Variants in FHDC1 observed in about 807,000 individuals in gnomAD.
FHDC1 encodes the protein FH2 domain containing 1, also known as FH2 domain-containing protein 1.
FHDC1 carries 25 observed loss-of-function variants against 52.6 expected under a neutral mutation model. The ratio of observed to expected loss-of-function variants is 0.48; its 90% CI spans 0.35 to 0.66. The LOEUF is 0.66. FHDC1 is among the 30% of genes least tolerant of loss of function. The probability of loss-of-function intolerance (pLI) is 0.01; values close to 1 mark genes in which losing one functional copy is unlikely to be tolerated. For synonymous variants in FHDC1, 616 were observed against 581.5 expected, an observed-to-expected ratio of 1.06 and a Z score of -0.85; for missense variants, 1,459 against 1,452.8, an observed-to-expected ratio of 1.00 and a Z score of -0.07.
At chr4:152,946,085 C>G (rs1356074177) in intron 2 of FHDC1, among the ~76,000 whole-genome samples, 1 of 152,194 alleles carries the variant, frequency 6.6e-6, no homozygotes, top group Non-Finnish European at 1.5e-5. Context: ...GAATACTATT[C>G]CATTGTATAT....
intron 2 of FHDC1, among the ~76,000 whole-genome samples, chr4:152,945,523 C>G (rs929604920): frequency 6.6e-6 from 1 of 152,148 alleles, no homozygotes; most frequent in Non-Finnish European, 1.5e-5. Flanking sequence ...GTGGTGCACT[C>G]TTGGCTCACT....
chr4:152,966,032 G>A (rs1310913158), intron 9 of FHDC1, among the ~76,000 whole-genome samples: 1 of 152,210 alleles, frequency 6.6e-6, no homozygotes, highest in Non-Finnish European at 1.5e-5. Context: ...CAGATCTCTA[G>A]ATTGTTCTCT....
upstream of FHDC1, among the ~76,000 whole-genome samples, chr4:152,934,413 C>T (rs1739310295): frequency 6.6e-6 from 1 of 152,144 alleles, no homozygotes; most frequent in Non-Finnish European, 1.5e-5. Flanking sequence ...AATATGGATT[C>T]AAGAGTCCCT....
chr4:152,969,300 A>G (rs1740562930), intron 10 of FHDC1, among the ~76,000 whole-genome samples: 1 of 152,152 alleles, frequency 6.6e-6, no homozygotes, highest in African/African-American at 2.4e-5. Flanking sequence ...CCTTCGGCGG[A>G]TGCTTGATTT....
At chr4:152,952,615 G>A (rs1739961208) in intron 2 of FHDC1, among the ~76,000 whole-genome samples, 1 of 152,120 alleles carries the variant, frequency 6.6e-6, no homozygotes, top group Non-Finnish European at 1.5e-5. Flanking sequence ...GGTATTACAA[G>A]TAATCTAGAG....
At chr4:152,934,266 A>T (rs1402597204), upstream of FHDC1, among the ~76,000 whole-genome samples, 1 of 152,194 alleles carries the variant, frequency 6.6e-6, no homozygotes, top group Non-Finnish European at 1.5e-5. Flanking sequence ...AGCAAAGGAA[A>T]AGCTAGGATT....
intron 2 of FHDC1, 111 bp downstream of exon 2, chr4:152,943,666 C>CA (rs374253983): frequency 7.8e-7 from 1 of 1,278,872 alleles, no homozygotes; most frequent in African/African-American, 1.5e-5. Flanking sequence ...TGAGATAATA[C>CA]AAGCGAATCT....
chr4:152,954,665 C>T (rs1387520580), intron 4 of FHDC1, among the ~76,000 whole-genome samples: 3 of 150,180 alleles, frequency 2.0e-5, no homozygotes, highest in South Asian at 4.3e-4. Context: ...TCAGCCTGGG[C>T]AACAGAGTGA....
the FHDC1 span, chr4:152,927,600 G>C: frequency 6.2e-7 from 1 of 1,606,500 alleles, no homozygotes; most frequent in African/African-American, 1.3e-5. Context: ...TATGACCCTC[G>C]ATCTCTATAT....
At chr4:152,924,196 C>G in the FHDC1 span, among the ~76,000 whole-genome samples, 1 of 152,140 alleles carries the variant, frequency 6.6e-6, no homozygotes, top group East Asian at 1.9e-4. Flanking sequence ...AAAAGTGGGC[C>G]AAGGACATGA....
At chr4:152,972,319 C>T (rs1050449910) in intron 10 of FHDC1, 58 bp from the exon 11 acceptor site, 7 of 1,516,434 alleles carry the variant, frequency 4.6e-6, no homozygotes, top group Non-Finnish European at 6.2e-6. Flanking sequence ...ATGCAGTGCC[C>T]AGCGCCGCCT....
chr4:152,923,340 T>C, the FHDC1 span, among the ~76,000 whole-genome samples: 1 of 152,148 alleles, frequency 6.6e-6, no homozygotes, highest in African/African-American at 2.4e-5. Context: ...TACAAACCAC[T>C]GCTCAAGGAA....
In FHDC1 at chr4:152,976,268, C is replaced by A. The variant is rs1411300991; in HGVS notation, c.2977C>A (p.Pro993Thr). The change falls in exon 12 of 12, where the codon CCC becomes ACC. Residue 993 changes from proline (P) to threonine (T), a missense_variant. By Grantham distance (38) the Pro-to-Thr change is conservative. Around this residue, in one of 3 missense-constraint regions of FHDC1, gnomAD observed 939 missense variants for 854.5 expected, o/e 1.10. Transcript: ENST00000511601. Reference protein sequence around the residue: ...KPSAKPLRNLPRQKPEENKTC... With the variant: ...KPSAKPLRNLTRQKPEENKTC... The stretch of plus-strand genomic sequence containing the variant: ...CAGTGCCAAACCACTCAGGAACCTC[C>A]CCAGACAGAAGCCTGAGGAAAATAA... 1 of 1,613,438 alleles carries A rather than the reference C, an allele frequency of 6.2e-7. No individual in the cohort carries two copies. Among genetic ancestry groups the A allele is most frequent in the Non-Finnish European group, 8.5e-7 (1 of 1,179,976 alleles).
In FHDC1 at chr4:152,974,895, A is replaced by C. The variant is rs551279175; in HGVS notation, c.1604A>C (p.Asn535Thr). The change falls in exon 12 of 12, where the codon AAC becomes ACC. Residue 535 changes from asparagine (N) to threonine (T), a missense_variant. Transcript: ENST00000511601. The stretch of plus-strand genomic sequence containing the variant: ...TCCAGCCCCTCCTACCGGCCCCCGA[A>C]CACCCGCCGCTCCCGCCTCTCCCTG... ...SPSSPSYRPP[N>T]TRRSRLSLGP... 2 of 1,591,866 alleles carry C rather than the reference A, an allele frequency of 1.3e-6. No homozygotes were observed. The highest frequency in any genetic ancestry group is 1.7e-6 in the Non-Finnish European group (2 of 1,171,218).
chr4:152,943,491 C>G lies in FHDC1; in HGVS notation c.434C>G (p.Thr145Ser). ...CTCTTTGGGCAGCAGGAAGACACCA[C>G]CAAGTCTTCCCTTCCTAGGAGAGGA... ...EELFGQQEDT[T>S]KSSLPRRGRT... The change falls in exon 2 of 12, where the codon ACC becomes AGC. Residue 145 changes from threonine to serine, a missense_variant. Physicochemically the swap from Thr to Ser is moderately conservative, Grantham distance 58 (BLOSUM62 1). Transcript: ENST00000511601. 1 of 1,613,986 alleles carries G rather than the reference C, an allele frequency of 6.2e-7. No individual in the cohort carries two copies. Among genetic ancestry groups the G allele is most frequent in the South Asian group, 1.1e-5 (1 of 91,070 alleles).
At position 152,975,386 on chromosome 4, in the gene FHDC1, A is replaced by G. The variant is rs770271927; in HGVS notation, c.2095A>G (p.Ser699Gly). Reference protein sequence around the residue: ...GMEETSQLTLSDFSPMELESV... With the variant: ...GMEETSQLTLGDFSPMELESV... ...GGAGGAGACCTCCCAGCTGACTCTG[A>G]GTGACTTCAGCCCGATGGAGCTAGA... The change falls in exon 12 of 12, where the codon AGT (serine) becomes GGT (glycine). Residue 699 changes from serine (S) to glycine (G), a missense_variant. Coordinates refer to ENST00000511601, the MANE Select transcript of FHDC1 (RefSeq NM_001371116.1). 2 of 1,613,686 alleles carry G rather than the reference A, an allele frequency of 1.2e-6. No individual in the cohort carries two copies. Among genetic ancestry groups the G allele is most frequent in the African/African-American group, 2.7e-5 (2 of 75,070 alleles).
rs763654699 is a variant in FHDC1, at chr4:152,954,318, A to C, written c.662A>C (p.Glu221Ala). 2.6e-5 allele frequency: 42 copies of C among 1,612,526 alleles called. No individual in the cohort carries two copies. The Admixed American group carries it at 7.0e-4, about 27-fold the overall frequency. Residue 221 changes from glutamate to alanine, a missense_variant and splice_region_variant, in exon 4 of 12, where the codon GAG becomes GCG. By Grantham distance (107) the Glu-to-Ala change is moderately radical. Around this residue, in one of 3 missense-constraint regions of FHDC1, gnomAD observed 513 missense variants for 581.5 expected, o/e 0.88. Coordinates refer to ENST00000511601, the MANE Select transcript of FHDC1 (RefSeq NM_001371116.1). The part of the protein sequence containing the change: ...EFLKFLPESE[E>A]VKKLKAFSGD... ...CTTAAGTTTTTGCCAGAGTCAGAAG[A>C]GGTAAGAAATTCAGCGCATGAGTTG...
At chr4:152,958,500 A>AT (rs5863027) in intron 4 of FHDC1, among the ~76,000 whole-genome samples, 67,572 of 151,590 alleles carry the variant, frequency 0.45, 15,370 homozygotes, top group South Asian at 0.64. Flanking sequence ...AAATCCATAC[A>AT]TTTTTTTTAG....
chr4:152,912,679 A>G, the FHDC1 span, among the ~76,000 whole-genome samples: 1 of 152,212 alleles, frequency 6.6e-6, no homozygotes, highest in Non-Finnish European at 1.5e-5. Context: ...AAGGCTGAAC[A>G]ATCACCAACT....
Sources: allele counts gnomAD v4.1 joint callset (sites outside exome capture counted in the v4.1 genomes callset), GRCh38; gene constraint gnomAD v4.1.1; regional missense constraint gnomAD v4.1.1; transcripts MANE v1.5; gene names NCBI Gene and HGNC (gene_info 2026-07-23, HGNC 2026-07-21).